The following KIRREL3 variants were observed in gnomAD, a reference collection of about 807,000 sequenced individuals.
KIRREL3 encodes kin of IRRE-like protein 3.
KIRREL3 carries 36 observed loss-of-function variants against 89.7 expected under a neutral mutation model. The observed-to-expected ratio is 0.40, with a 90% CI of 0.31 to 0.53. KIRREL3 has a LOEUF of 0.53. KIRREL3 is among the 20% of genes least tolerant of loss of function. The pLI, the probability that KIRREL3 is intolerant of heterozygous loss-of-function variation, is 0.49. For synonymous variants in KIRREL3, 445 were observed against 441.4 expected (o/e 1.01, Z -0.10); for missense variants, 864 against 1,056.6 (o/e 0.82, Z 2.53).
rs1006716314 is a variant in KIRREL3, at chr11:126,516,412, G to A, written c.433+4903C>T. Among the ~76,000 whole-genome samples the A allele has an allele frequency of 2.0e-5, 3 of 151,952 alleles. No homozygotes were observed. Among genetic ancestry groups the A allele is most frequent in the African/African-American group, 7.2e-5 (3 of 41,404 alleles). ...CATCCTGCTCTACTTTTTCCTTTCCGTAGCATTTATTACCACCTCACATCC... is the reference window on the plus strand; with the variant it reads ...CATCCTGCTCTACTTTTTCCTTTCCATAGCATTTATTACCACCTCACATCC... On this transcript the variant is annotated intron_variant, in intron 4 of 16. Coordinates refer to ENST00000525144, the MANE Select transcript of KIRREL3 (RefSeq NM_032531.4). This position sits in a 1 kb window ranked among gnomAD's most constrained non-coding sequence, Gnocchi z 4.9.
chr11:126,747,473 C>G lies in KIRREL3; in HGVS notation c.56-184561G>C, dbSNP rs1292473936. On this transcript the variant is annotated intron_variant, in intron 1 of 16. Transcript: ENST00000525144. The surrounding 1 kb of genome is among the most constrained non-coding windows in gnomAD (Gnocchi z 4.7). ...AAGTCATGCAACCTCATCGCCACTA[C>G]CTGGGACTGTCTTTCCTTAATTAGA... is the stretch of plus-strand genomic sequence containing the variant. Among the ~76,000 whole-genome samples, 4 of 152,060 alleles carry G rather than the reference C, an allele frequency of 2.6e-5. No homozygotes were observed. The highest frequency in any genetic ancestry group is 9.7e-5 in the African/African-American group (4 of 41,400).
chr11:126,497,466 T>C (rs1483357664), intron 4 of KIRREL3, among the ~76,000 whole-genome samples: 1 of 152,232 alleles, frequency 6.6e-6, no homozygotes, highest in Non-Finnish European at 1.5e-5. Context: ...CAAATAACTC[T>C]GGTCTCCCAG....
chr11:126,482,275 G>A (rs1014260460), intron 4 of KIRREL3, among the ~76,000 whole-genome samples: 7 of 152,284 alleles, frequency 4.6e-5, no homozygotes, highest in African/African-American at 1.7e-4. Context: ...CTGACCTCAG[G>A]TGATCCACCT....
At chr11:126,730,220 GC>G (rs1267726096) in intron 1 of KIRREL3, among the ~76,000 whole-genome samples, 2 of 152,180 alleles carry the variant, frequency 1.3e-5, no homozygotes, top group Non-Finnish European at 2.9e-5. Flanking sequence ...AGAACCCACT[GC>G]CGACTAGCCC....
At chr11:126,693,160 T>C (rs1946945565) in intron 1 of KIRREL3, among the ~76,000 whole-genome samples, 1 of 152,222 alleles carries the variant, frequency 6.6e-6, no homozygotes, top group African/African-American at 2.4e-5. Flanking sequence ...GGCTCACGCC[T>C]GTAATCCCAG....
rs534792147 is a variant in KIRREL3, at chr11:126,711,676, C to T, written c.56-148764G>A. Among the ~76,000 whole-genome samples the T allele has an allele frequency of 1.6e-4, 24 of 152,308 alleles. No homozygotes were observed. In the East Asian group the frequency reaches 4.4e-3, roughly 28 times the overall value. ...AAACAAAAAAGACTTCTGTCCAGTT[C>T]CCTAGAAATTCTAATTTAGTAGGAA... On this transcript the variant is annotated intron_variant, in intron 1 of 16. Coordinates refer to ENST00000525144, the MANE Select transcript of KIRREL3 (RefSeq NM_032531.4).
At chr11:126,800,361 C>A (rs2134391370) in intron 1 of KIRREL3, among the ~76,000 whole-genome samples, 1 of 152,278 alleles carries the variant, frequency 6.6e-6, no homozygotes, top group East Asian at 1.9e-4. Context: ...AAGATAGGTT[C>A]TCACAATAAA....
rs571564464 is a variant in KIRREL3, at chr11:126,466,575, C to T, written c.592-3268G>A. Among the ~76,000 whole-genome samples the T allele has an allele frequency of 2.6e-5, 4 of 152,382 alleles. No homozygotes were observed. The East Asian group carries it at 5.8e-4, about 22-fold the overall frequency. ...CCCCCGGGTTTCTCTTCCCCCATTCCTTTCTGATCTCGCCTCTCTTGTTTC... is the reference window on the plus strand; with the variant it reads ...CCCCCGGGTTTCTCTTCCCCCATTCTTTTCTGATCTCGCCTCTCTTGTTTC... On this transcript the variant is annotated intron_variant, in intron 5 of 16. Coordinates refer to ENST00000525144, the MANE Select transcript of KIRREL3 (RefSeq NM_032531.4).
rs573479174 is a variant in KIRREL3 at position 126,754,712 on chromosome 11, C to G, written c.56-191800G>C. On this transcript the variant is annotated intron_variant, in intron 1 of 16. Transcript: ENST00000525144. The surrounding 1 kb of genome is among the most constrained non-coding windows in gnomAD (Gnocchi z 5.1). The stretch of plus-strand genomic sequence containing the variant: ...TCTCTCTTCTCCTTCTTAATAATCT[C>G]CCGTCTAAGTGCAGGTCTTGATTAA... 3.3e-5 allele frequency among the ~76,000 whole-genome samples: 5 copies of G among 152,068 alleles called. No homozygotes were observed. The highest frequency in any genetic ancestry group is 7.3e-5 in the Non-Finnish European group (5 of 68,028).
chr11:126,753,279 C>T (rs1949393809), intron 1 of KIRREL3, among the ~76,000 whole-genome samples: 1 of 152,182 alleles, frequency 6.6e-6, no homozygotes, highest in Admixed American at 6.5e-5. Flanking sequence ...CTGGAGCTGC[C>T]TCAGAGGGGC....
At position 126,490,460 on chromosome 11, in the gene KIRREL3, C is replaced by T. The variant is rs910106781; in HGVS notation, c.434-16994G>A. ...AGAAAAGACCATGTAGGCCTGTGTT[C>T]CACGGGTGCTCAGAAATCCTGGGGG... On this transcript the variant is annotated intron_variant, in intron 4 of 16. Coordinates refer to ENST00000525144, the MANE Select transcript of KIRREL3 (RefSeq NM_032531.4). This position sits in a 1 kb window ranked among gnomAD's most constrained non-coding sequence, Gnocchi z 4.2. 3.3e-5 allele frequency among the ~76,000 whole-genome samples: 5 copies of T among 152,038 alleles called. No individual in the cohort carries two copies. Among genetic ancestry groups the T allele is most frequent in the African/African-American group, 1.2e-4 (5 of 41,376 alleles).
chr11:126,993,591 C>T lies in KIRREL3; in HGVS notation c.55+6864G>A, dbSNP rs914016012. On this transcript the variant is annotated intron_variant, in intron 1 of 16. Transcript: ENST00000525144. The surrounding 1 kb of genome is among the most constrained non-coding windows in gnomAD (Gnocchi z 6.1). The stretch of plus-strand genomic sequence containing the variant: ...TAACCTTAATCGAAGTGTCTGCTCC[C>T]CAACCAGACTAAGAGCTCTGGGGCA... Among the ~76,000 whole-genome samples, 1 of 152,156 alleles carries T rather than the reference C, an allele frequency of 6.6e-6. No homozygotes were observed. The highest frequency in any genetic ancestry group is 2.4e-5 in the African/African-American group (1 of 41,412).
chr11:126,583,496 A>G (rs1463503003), intron 1 of KIRREL3, among the ~76,000 whole-genome samples: 4 of 152,186 alleles, frequency 2.6e-5, no homozygotes, highest in African/African-American at 9.7e-5. Flanking sequence ...CTGTTCACAT[A>G]TTTACATATC....
At position 126,808,387 on chromosome 11, in the gene KIRREL3, TCCCCCTC is replaced by T. The variant is rs1951271613; in HGVS notation, c.55+192061_55+192067del. 6.6e-6 allele frequency among the ~76,000 whole-genome samples: 1 copy of T among 152,006 alleles called. No homozygotes were observed. Among genetic ancestry groups the T allele is most frequent in the African/African-American group, 2.4e-5 (1 of 41,368 alleles). On this transcript the variant is annotated intron_variant, in intron 1 of 16. Coordinates refer to ENST00000525144, the MANE Select transcript of KIRREL3 (RefSeq NM_032531.4). This position sits in a 1 kb window ranked among gnomAD's most constrained non-coding sequence, Gnocchi z 4.1. Reference sequence around the variant, plus strand: ...ATTTAGTCCTTGCTCCAGGGCTAACTCCCCCTCCCCTGCCCAATGTGGTGGGAGGGCT... The same window carrying T: ...ATTTAGTCCTTGCTCCAGGGCTAACTCCCTGCCCAATGTGGTGGGAGGGCT...
chr11:126,965,984 G>A lies in KIRREL3; in HGVS notation c.55+34471C>T, dbSNP rs1244367054. ...CTTTAAATCTTTGGAAGGAACAAAT[G>A]GGGTCTTGAGAGTGTGACCATTTGG... On this transcript the variant is annotated intron_variant, in intron 1 of 16. Coordinates refer to ENST00000525144, the MANE Select transcript of KIRREL3 (RefSeq NM_032531.4). This position sits in a 1 kb window ranked among gnomAD's most constrained non-coding sequence, Gnocchi z 4.4. 2.6e-5 allele frequency among the ~76,000 whole-genome samples: 4 copies of A among 152,262 alleles called. No homozygotes were observed. The East Asian group carries it at 7.7e-4, about 29-fold the overall frequency.
intron 11 of KIRREL3, chr11:126,440,146 C>T: frequency 6.6e-6 from 4 of 608,120 alleles, no homozygotes; most frequent in Non-Finnish European, 1.2e-5. Context: ...AGTCACTTGT[C>T]TTTTCTCTCC....
Position 126,705,572 on chromosome 11 carries a change from G to A in KIRREL3, c.56-142660C>T, listed in dbSNP as rs1189242012. On this transcript the variant is annotated intron_variant, in intron 1 of 16. Coordinates refer to ENST00000525144, the MANE Select transcript of KIRREL3 (RefSeq NM_032531.4). The surrounding 1 kb of genome is among the most constrained non-coding windows in gnomAD (Gnocchi z 4.3). Reference sequence around the variant, plus strand: ...TGCTTCCTGTACAGCCTGCAGAACTGTGAGCCAATTAAACCTCTTTTCTTT... The same window carrying A: ...TGCTTCCTGTACAGCCTGCAGAACTATGAGCCAATTAAACCTCTTTTCTTT... Among the ~76,000 whole-genome samples the A allele has an allele frequency of 6.6e-6, 1 of 152,178 alleles. No homozygotes were observed. Among genetic ancestry groups the A allele is most frequent in the Non-Finnish European group, 1.5e-5 (1 of 68,028 alleles).
intron 1 of KIRREL3, among the ~76,000 whole-genome samples, chr11:126,858,306 C>T (rs1049660034): frequency 3.3e-5 from 5 of 152,210 alleles, no homozygotes; most frequent in African/African-American, 9.6e-5. Flanking sequence ...AGGACTTAAA[C>T]AGCAGACATT....
At position 126,906,432 on chromosome 11, in the gene KIRREL3, G is replaced by C. The variant is rs112897164; in HGVS notation, c.55+94023C>G. Among the ~76,000 whole-genome samples the C allele has an allele frequency of 1.0e-3, 158 of 152,294 alleles. 2 individuals are homozygous for C. The highest frequency in any genetic ancestry group is 3.7e-3 in the African/African-American group (152 of 41,562). On this transcript the variant is annotated intron_variant, in intron 1 of 16. Transcript: ENST00000525144. The surrounding 1 kb of genome is among the most constrained non-coding windows in gnomAD (Gnocchi z 4.1). The stretch of plus-strand genomic sequence containing the variant: ...TAAGGAACGGAAGTATTAGCAGCAA[G>C]GTTACTCCCAAAGAGACATGTTACA...
Sources: allele counts gnomAD v4.1 joint callset (sites outside exome capture counted in the v4.1 genomes callset), GRCh38; gene constraint gnomAD v4.1.1; non-coding constraint Gnocchi (gnomAD v3.1); transcripts MANE v1.5; gene names NCBI Gene and HGNC (gene_info 2026-07-23, HGNC 2026-07-21).